Variants in SNX25 observed in about 807,000 individuals in gnomAD.
The protein encoded by SNX25 is sorting nexin 25.
Under a neutral mutation model 113.7 loss-of-function variants are expected in SNX25, and 62 were observed. That is an observed-to-expected ratio of 0.55 (90% CI 0.44 to 0.67). The LOEUF is 0.67. Among genes scored for constraint, SNX25 ranks in the 30% least tolerant of loss-of-function variants. The pLI, the probability that SNX25 is intolerant of heterozygous loss-of-function variation, is 0.00. For synonymous variants in SNX25, 421 were observed against 436.2 expected (o/e 0.97, Z 0.43); for missense variants, 1,014 against 1,161.0 (o/e 0.87, Z 1.84).
intron 8 of SNX25, 113 bp downstream of exon 8, chr4:185,320,977 AAATAT>A (rs2095115421): frequency 2.3e-6 from 2 of 871,664 alleles, no homozygotes; most frequent in Non-Finnish European, 1.6e-6. Flanking sequence ...ATTTTAAACC[AAATAT>A]AATACTGACA....
At chr4:185,260,575 A>G (rs1373518202) in intron 3 of SNX25, among the ~76,000 whole-genome samples, 1 of 152,190 alleles carries the variant, frequency 6.6e-6, no homozygotes, top group Non-Finnish European at 1.5e-5. Flanking sequence ...ATTGGTATTT[A>G]CCATATTTGA....
intron 6 of SNX25, 84 bp downstream of exon 6, chr4:185,288,166 C>T: frequency 2.1e-6 from 2 of 969,504 alleles, no homozygotes; most frequent in South Asian, 1.5e-5. Context: ...AGATCTTTGG[C>T]AAATAGGAGC....
At chr4:185,258,189 G>A (rs555244550) in intron 2 of SNX25, among the ~76,000 whole-genome samples, 1 of 152,294 alleles carries the variant, frequency 6.6e-6, no homozygotes, top group East Asian at 1.9e-4. Flanking sequence ...GAAGAAGCTT[G>A]AGCAGATACC....
intron 2 of SNX25, among the ~76,000 whole-genome samples, chr4:185,249,469 AATTT>A (rs1216878771): frequency 1.5e-4 from 23 of 152,032 alleles, no homozygotes; most frequent in Non-Finnish European, 4.4e-5. Context: ...TTAAACTTAT[AATTT>A]ATTTATAGTT....
intron 1 of SNX25, among the ~76,000 whole-genome samples, chr4:185,227,949 G>A (rs1022523494): frequency 6.6e-6 from 1 of 152,130 alleles, no homozygotes; most frequent in Non-Finnish European, 1.5e-5. Flanking sequence ...GAGAGAAAGA[G>A]CATTTAGAGG....
At chr4:185,308,345 T>C (rs1754763399) in intron 6 of SNX25, among the ~76,000 whole-genome samples, 1 of 152,222 alleles carries the variant, frequency 6.6e-6, no homozygotes, top group Admixed American at 6.5e-5. Context: ...TGGCATAACT[T>C]GTAAGTAACA....
intron 7 of SNX25, among the ~76,000 whole-genome samples, chr4:185,314,744 G>A (rs1440554719): frequency 6.6e-6 from 1 of 151,186 alleles, no homozygotes; most frequent in African/African-American, 2.4e-5. Context: ...TATAATCCCA[G>A]GTACTCGGGA....
chr4:185,369,375 GCCTGGCTAATTTTA>G (rs1561073362), intron 11 of SNX25, among the ~76,000 whole-genome samples: 66 of 91,342 alleles, frequency 7.2e-4, no homozygotes, highest in African/African-American at 3.1e-3. Flanking sequence ...ACATTGCCAT[GCCTGGCTAATTTTA>G]TTTTTCAGTA....
At chr4:185,330,406 T>A (rs2095186088) in intron 9 of SNX25, among the ~76,000 whole-genome samples, 1 of 152,230 alleles carries the variant, frequency 6.6e-6, no homozygotes, top group Admixed American at 6.5e-5. Flanking sequence ...GCCATTAGGC[T>A]GATGCCCTTT....
intron 9 of SNX25, among the ~76,000 whole-genome samples, chr4:185,327,534 T>C (rs2095164989): frequency 6.6e-6 from 1 of 152,222 alleles, no homozygotes; most frequent in African/African-American, 2.4e-5. Context: ...CCATATAAGA[T>C]AATTTTTTAT....
intron 15 of SNX25, among the ~76,000 whole-genome samples, chr4:185,354,041 CAAAA>C (rs138207766): frequency 5.9e-5 from 5 of 84,524 alleles, no homozygotes; most frequent in South Asian, 4.1e-4. Flanking sequence ...GACTCCGTCT[CAAAA>C]AAAAAAAAAA....
At chr4:185,373,007 A>C (rs1227505996), downstream of SNX25, 1 of 1,613,888 alleles carries the variant, frequency 6.2e-7, no homozygotes. Context: ...TGTCCATACA[A>C]GTACATGAGC....
chr4:185,222,715 G>A (rs529233637), intron 1 of SNX25, among the ~76,000 whole-genome samples: 1 of 152,208 alleles, frequency 6.6e-6, no homozygotes, highest in Non-Finnish European at 1.5e-5. Flanking sequence ...GGATGATTTA[G>A]TAGGTAAGAA....
intron 6 of SNX25, among the ~76,000 whole-genome samples, chr4:185,306,705 T>C (rs1017727037): frequency 6.6e-6 from 1 of 152,224 alleles, no homozygotes; most frequent in Non-Finnish European, 1.5e-5. Flanking sequence ...ACTTAAACAT[T>C]ATACACAAAC....
At chr4:185,219,936 A>G (rs1468042192) in intron 1 of SNX25, among the ~76,000 whole-genome samples, 1 of 119,574 alleles carries the variant, frequency 8.4e-6, no homozygotes. Context: ...ATTTTTTTCC[A>G]TTTCACTGAA....
downstream of SNX25, among the ~76,000 whole-genome samples, chr4:185,373,856 A>G (rs2095424310): frequency 6.6e-6 from 1 of 152,208 alleles, no homozygotes; most frequent in South Asian, 2.1e-4. Context: ...TCATGCTTAG[A>G]AGGATTTTGG....
chr4:185,240,008 C>A (rs2126452350), intron 1 of SNX25, among the ~76,000 whole-genome samples: 1 of 151,038 alleles, frequency 6.6e-6, no homozygotes, highest in East Asian at 1.9e-4. Flanking sequence ...TTTAACAAAG[C>A]ACATCTTGCA....
intron 8 of SNX25, among the ~76,000 whole-genome samples, chr4:185,321,972 T>G (rs1474395922): frequency 6.6e-6 from 1 of 152,228 alleles, no homozygotes; most frequent in Admixed American, 6.5e-5. Flanking sequence ...TATCAGGGAC[T>G]TGAATGTCCT....
intron 1 of SNX25, among the ~76,000 whole-genome samples, chr4:185,219,428 G>A (rs1029586035): frequency 1.4e-4 from 21 of 151,826 alleles, no homozygotes; most frequent in Admixed American, 2.0e-4. Context: ...GTGTGGTGGT[G>A]GGCGCCTGTA....
Sources: gnomAD v4.1 joint callset for allele counts (sites outside exome capture counted in the v4.1 genomes callset) on GRCh38, gnomAD v4.1.1 for gene constraint, MANE v1.5 for transcripts, NCBI Gene and HGNC (gene_info 2026-07-23, HGNC 2026-07-21) for gene names.